The following PSMA1 variants were observed in gnomAD, a reference collection of about 807,000 sequenced individuals.
The protein encoded by PSMA1 is proteasome 20S subunit alpha 1.
In PSMA1, 3 loss-of-function variants were observed where a neutral mutation model predicts 38.4. That is an observed-to-expected ratio of 0.08 (90% CI 0.04 to 0.20). The LOEUF is 0.20. Ranked by LOEUF, PSMA1 falls within the 10% of genes least tolerant of loss-of-function variation. The pLI is 1.00. For synonymous variants in PSMA1, 101 were observed against 107.1 expected (o/e 0.94, Z 0.35); for missense variants, 227 against 325.3 (o/e 0.70, Z 2.32).
At chr11:14,595,671 A>C (rs1852481619) in intron 2 of PSMA1, among the ~76,000 whole-genome samples, 1 of 151,978 alleles carries the variant, frequency 6.6e-6, no homozygotes, top group Admixed American at 6.6e-5. Context: ...AGATTGTAAA[A>C]ATTTTCTCCC....
intron 1 of PSMA1, among the ~76,000 whole-genome samples, chr11:14,617,808 T>A (rs1852795323): frequency 6.6e-6 from 1 of 151,914 alleles, no homozygotes; most frequent in Non-Finnish European, 1.5e-5. Flanking sequence ...GAAACTGGAA[T>A]CAGGAGAGGT....
At chr11:14,594,978 A>G (rs970524282) in intron 2 of PSMA1, among the ~76,000 whole-genome samples, 1 of 150,484 alleles carries the variant, frequency 6.6e-6, no homozygotes, top group Non-Finnish European at 1.5e-5. Flanking sequence ...CTCATTGTTC[A>G]ATTCCCACCT....
intron 2 of PSMA1, among the ~76,000 whole-genome samples, chr11:14,544,838 A>G (rs889753258): frequency 3.3e-5 from 5 of 152,242 alleles, no homozygotes; most frequent in African/African-American, 1.2e-4. Context: ...GTAATAACCC[A>G]AGAGAATTGA....
chr11:14,521,709 T>C (rs1589982012), upstream of PSMA1, among the ~76,000 whole-genome samples: 1 of 141,974 alleles, frequency 7.0e-6, no homozygotes, highest in Non-Finnish European at 1.5e-5. Flanking sequence ...GAGGTTGCAG[T>C]GAGCTGAGAT....
intron 1 of PSMA1, among the ~76,000 whole-genome samples, chr11:14,625,915 A>C (rs1852903569): frequency 6.6e-6 from 1 of 152,246 alleles, no homozygotes; most frequent in Admixed American, 6.5e-5. Context: ...ATAAGACCTT[A>C]GCTAACGATA....
At chr11:14,596,682 A>T (rs963883212) in intron 2 of PSMA1, among the ~76,000 whole-genome samples, 1 of 152,218 alleles carries the variant, frequency 6.6e-6, no homozygotes, top group South Asian at 2.1e-4. Context: ...CAATCATGTC[A>T]TCTGCAAACA....
intron 8 of PSMA1, 100 bp from the exon 9 acceptor site, chr11:14,507,866 A>G (rs903413152): frequency 2.5e-6 from 2 of 808,578 alleles, no homozygotes; most frequent in Non-Finnish European, 3.9e-6. Flanking sequence ...GAATTTATAT[A>G]GCATTTGAAT....
At chr11:14,595,064 G>A (rs771400021) in intron 2 of PSMA1, among the ~76,000 whole-genome samples, 2 of 152,088 alleles carry the variant, frequency 1.3e-5, no homozygotes, top group African/African-American at 4.8e-5. Context: ...CTTCATTCAC[G>A]TCCCTGCAAA....
At chr11:14,601,172 C>G (rs111455084) in intron 2 of PSMA1, among the ~76,000 whole-genome samples, 195 of 152,228 alleles carry the variant, frequency 1.3e-3, no homozygotes, top group Non-Finnish European at 2.1e-3. Flanking sequence ...GCAACATGCA[C>G]GGGGTCTTGC....
At chr11:14,553,144 T>C (rs1317726453) in intron 2 of PSMA1, among the ~76,000 whole-genome samples, 1 of 152,128 alleles carries the variant, frequency 6.6e-6, no homozygotes, top group Non-Finnish European at 1.5e-5. Flanking sequence ...TTTTATAAGA[T>C]ACATTTTTTT....
rs150221152 is a variant in PSMA1 at position 14,634,122 on chromosome 11, G to A, written c.-166+9333C>T. ...TTCTGCGTCGCTCACACTGAGAGCT[G>A]TAGACCCGGAGCTGTTCCTATTCGG... On this transcript the variant is annotated intron_variant, in intron 1 of 10. Transcript: ENST00000418988. Among the ~76,000 whole-genome samples, 332 of 152,320 alleles carry A rather than the reference G, an allele frequency of 2.2e-3. 1 individual carries two copies. The highest frequency in any genetic ancestry group is 3.6e-3 in the Non-Finnish European group (248 of 68,014).
chr11:14,632,349 T>A, intron 1 of PSMA1, among the ~76,000 whole-genome samples: 1 of 148,984 alleles, frequency 6.7e-6, no homozygotes, highest in Non-Finnish European at 1.5e-5. Context: ...GGAGCTCTTG[T>A]AAGGCAGGCC....
rs1851223971 is a variant in PSMA1 at position 14,505,139 on chromosome 11, T to C, written c.*53A>G. 1 of 1,439,430 alleles carries C rather than the reference T, an allele frequency of 6.9e-7. No individual in the cohort carries two copies. 89.2% of individuals were successfully genotyped at this position (1,439,430 alleles called of 1,614,324 possible). On this transcript the variant is annotated 3_prime_UTR_variant, in exon 10 of 10. Coordinates refer to ENST00000396394, the MANE Select transcript of PSMA1 (RefSeq NM_002786.4). The stretch of plus-strand genomic sequence containing the variant: ...AGTATAGATTATTGTCATCAGTATG[T>C]GGTGCCTGTATTCTTACATATTTGA...
chr11:14,529,984 A>G (rs1377621531), intron 2 of PSMA1, among the ~76,000 whole-genome samples: 2 of 152,188 alleles, frequency 1.3e-5, no homozygotes, highest in Non-Finnish European at 2.9e-5. Flanking sequence ...AGCTCCATGA[A>G]GCGGGGAATT....
intron 2 of PSMA1, among the ~76,000 whole-genome samples, chr11:14,572,126 ATATCCAGGAAT>A (rs1356410569): frequency 2.0e-5 from 3 of 152,188 alleles, no homozygotes; most frequent in Non-Finnish European, 4.4e-5. Context: ...GTTAACAAGG[ATATCCAGGAAT>A]TGAACTCAGC....
rs887669030 is a variant in PSMA1 at position 14,536,608 on chromosome 11, A to AT, written c.22-17568dup. 3.0e-4 allele frequency among the ~76,000 whole-genome samples: 46 copies of AT among 151,062 alleles called. 1 individual carries two copies. Among genetic ancestry groups the AT allele is most frequent in the Admixed American group, 2.3e-3 (35 of 15,094 alleles). On this transcript the variant is annotated intron_variant, in intron 2 of 10. Coordinates refer to the PSMA1 transcript ENST00000418988. The stretch of plus-strand genomic sequence containing the variant: ...TAGGACAAAGGCAGCATTTAAAAAA[A>AT]TTTTTTTTTATTTTTATTTTTGAGA...
At chr11:14,554,439 G>A (rs1851920614) in intron 2 of PSMA1, among the ~76,000 whole-genome samples, 1 of 152,138 alleles carries the variant, frequency 6.6e-6, no homozygotes, top group South Asian at 2.1e-4. Context: ...ACATTTTATA[G>A]TGTGACATTT....
At chr11:14,595,027 T>A (rs1852468348) in intron 2 of PSMA1, among the ~76,000 whole-genome samples, 1 of 152,160 alleles carries the variant, frequency 6.6e-6, no homozygotes, top group Admixed American at 6.5e-5. Context: ...TCTATCCTTA[T>A]GACAGTTTGC....
At chr11:14,506,538 C>T (rs1851248264) in intron 9 of PSMA1, among the ~76,000 whole-genome samples, 1 of 152,018 alleles carries the variant, frequency 6.6e-6, no homozygotes, top group Admixed American at 6.6e-5. Flanking sequence ...ATCAAATAAG[C>T]ATCTATAAAT....
Sources: gnomAD v4.1 joint callset for allele counts (sites outside exome capture counted in the v4.1 genomes callset) on GRCh38, gnomAD v4.1.1 for gene constraint, MANE v1.5 for transcripts, NCBI Gene and HGNC (gene_info 2026-07-23, HGNC 2026-07-21) for gene names.